The following MC2R variants were observed in gnomAD, a reference collection of about 807,000 sequenced individuals.
MC2R encodes the protein melanocortin 2 receptor.
A neutral mutation model predicts 9.8 loss-of-function variants in MC2R; 9 were observed. That is an observed-to-expected ratio of 0.92 (90% CI 0.55 to 1.60). The LOEUF is 1.60. MC2R is among the 40% of genes most tolerant of loss of function. MC2R has a pLI of 0.00. For synonymous variants in MC2R, 185 were observed against 154.7 expected (o/e 1.20, Z -1.45); for missense variants, 370 against 389.0 (o/e 0.95, Z 0.41).
chr18:13,893,137 T>A (rs2045326940), intron 1 of MC2R, among the ~76,000 whole-genome samples: 1 of 152,214 alleles, frequency 6.6e-6, no homozygotes, highest in South Asian at 2.1e-4. Context: ...ATACGATTGA[T>A]TGCTGTGAAA....
intron 1 of MC2R, among the ~76,000 whole-genome samples, chr18:13,900,148 T>C (rs1302855143): frequency 6.6e-6 from 1 of 152,140 alleles, no homozygotes; most frequent in East Asian, 1.9e-4. Flanking sequence ...TAGTTTTTGT[T>C]TTGCTTGTTT....
intron 1 of MC2R, among the ~76,000 whole-genome samples, chr18:13,909,985 A>G (rs2045435707): frequency 6.6e-6 from 1 of 152,210 alleles, no homozygotes; most frequent in Non-Finnish European, 1.5e-5. Flanking sequence ...GTTATATCTA[A>G]AAACACCAAA....
At position 13,882,371 on chromosome 18, in the gene MC2R, A is replaced by G. The variant is rs1028151658; in HGVS notation, c.*2254T>C. Reference sequence around the variant, plus strand: ...GCTTCTGTTCTGATTGGAATATAGCAGAAGACCTAGAATTGAAAATGTCTG... The same window carrying G: ...GCTTCTGTTCTGATTGGAATATAGCGGAAGACCTAGAATTGAAAATGTCTG... On this transcript the variant is annotated 3_prime_UTR_variant, in exon 2 of 2. Transcript: ENST00000327606. 6.6e-6 allele frequency: 1 copy of G among 152,244 alleles called. No individual in the cohort carries two copies. Among genetic ancestry groups the G allele is most frequent in the African/African-American group, 2.4e-5 (1 of 41,464 alleles). 9.4% of individuals were successfully genotyped at this position (152,244 alleles called of 1,614,324 possible).
At position 13,895,201 on chromosome 18, in the gene MC2R, G is replaced by A. The variant is rs974600866; in HGVS notation, c.-128-9555C>T. 2.0e-5 allele frequency among the ~76,000 whole-genome samples: 3 copies of A among 152,218 alleles called. No homozygotes were observed. The East Asian group carries it at 5.8e-4, about 29-fold the overall frequency. On this transcript the variant is annotated intron_variant, in intron 1 of 1. Transcript: ENST00000327606. ...CTTCTAAACAAATATGTTTGGGGGAGATATAAAGCATACAAGAAACAGAGT... is the reference window on the plus strand; with the variant it reads ...CTTCTAAACAAATATGTTTGGGGGAAATATAAAGCATACAAGAAACAGAGT...
At chr18:13,907,639 T>C (rs1036716299) in intron 1 of MC2R, among the ~76,000 whole-genome samples, 4 of 152,160 alleles carry the variant, frequency 2.6e-5, no homozygotes, top group Admixed American at 2.6e-4. Context: ...AAGAGATTAA[T>C]AACCAGATTA....
At chr18:13,907,955 G>A (rs1230365204) in intron 1 of MC2R, among the ~76,000 whole-genome samples, 1 of 152,158 alleles carries the variant, frequency 6.6e-6, no homozygotes, top group African/African-American at 2.4e-5. Context: ...TATAGCCACT[G>A]TGGAGAACAG....
Position 13,895,043 on chromosome 18 carries a change from G to A in MC2R, c.-128-9397C>T, listed in dbSNP as rs550919101. On this transcript the variant is annotated intron_variant, in intron 1 of 1. Coordinates refer to ENST00000327606, the MANE Select transcript of MC2R (RefSeq NM_000529.2). The stretch of plus-strand genomic sequence containing the variant: ...CAGCCGGGCAGTGCCCTGAAAGGTT[G>A]GCAAATTTGACACCCTCTTCTTTGT... 1.6e-3 allele frequency among the ~76,000 whole-genome samples: 246 copies of A among 152,310 alleles called. 1 individual carries two copies. The highest frequency in any genetic ancestry group is 2.6e-3 in the Non-Finnish European group (178 of 68,028).
intron 1 of MC2R, among the ~76,000 whole-genome samples, chr18:13,897,632 A>AGG (rs2045354237): frequency 6.6e-6 from 1 of 152,060 alleles, no homozygotes; most frequent in African/African-American, 2.4e-5. Context: ...AGGAGAGGAG[A>AGG]AGAGAAGGAA....
chr18:13,893,987 C>T (rs1226285180), intron 1 of MC2R, among the ~76,000 whole-genome samples: 2 of 152,202 alleles, frequency 1.3e-5, no homozygotes, highest in African/African-American at 2.4e-5. Context: ...CATGAGGAGG[C>T]ACTGGCTTCT....
intron 1 of MC2R, among the ~76,000 whole-genome samples, chr18:13,894,257 A>AC (rs1285179232): frequency 6.6e-6 from 1 of 151,696 alleles, no homozygotes; most frequent in African/African-American, 2.4e-5. Flanking sequence ...TTTCTTTTCT[A>AC]TTTCTTCCCA....
At position 13,885,498 on chromosome 18, in the gene MC2R, C is replaced by A. The variant is rs371151390; in HGVS notation, c.21G>T (p.Ser7=). 13 of 1,613,980 alleles carry A rather than the reference C, an allele frequency of 8.1e-6. No homozygotes were observed. The highest frequency in any genetic ancestry group is 1.1e-5 in the Non-Finnish European group (13 of 1,180,040). Residue 7 remains serine (S), a synonymous_variant, in exon 2 of 2, where the codon TCG becomes TCT. Coordinates refer to ENST00000327606, the MANE Select transcript of MC2R (RefSeq NM_000529.2). The part of the protein sequence containing the change: MKHIIN[S]YENINNTARN... Reference sequence around the variant, plus strand: ...TTGCTGTGTTGTTGATGTTTTCATACGAGTTGATAATGTGCTTCATTTCTC... The same window carrying A: ...TTGCTGTGTTGTTGATGTTTTCATAAGAGTTGATAATGTGCTTCATTTCTC...
At chr18:13,900,812 A>G (rs905160810) in intron 1 of MC2R, among the ~76,000 whole-genome samples, 3 of 152,184 alleles carry the variant, frequency 2.0e-5, no homozygotes, top group Non-Finnish European at 4.4e-5. Flanking sequence ...AGACTTCAAC[A>G]CACCACTTTC....
At chr18:13,898,566 G>A (rs929783246) in intron 1 of MC2R, among the ~76,000 whole-genome samples, 3 of 152,238 alleles carry the variant, frequency 2.0e-5, no homozygotes, top group Non-Finnish European at 2.9e-5. Flanking sequence ...CAGGCCTGGG[G>A]TGAGACTGAG....
At position 13,885,096 on chromosome 18, in the gene MC2R, G is replaced by A. The variant is rs149161443; in HGVS notation, c.423C>T (p.Ile141=). Residue 141 remains isoleucine (I), a synonymous_variant, in exon 2 of 2, where the codon ATC becomes ATT. Coordinates refer to ENST00000327606, the MANE Select transcript of MC2R (RefSeq NM_000529.2). ...TIFHALRYHS[I]VTMRRTVVVL... The stretch of plus-strand genomic sequence containing the variant: ...CCACCACAGTGCGGCGCATGGTCAC[G>A]ATGCTGTGGTACCGCAGTGCGTGGA... The A allele has an allele frequency of 1.3e-5, 21 of 1,614,048 alleles. No homozygotes were observed. In the East Asian group the frequency reaches 2.0e-4, roughly 15 times the overall value.
In MC2R at chr18:13,882,086, A is replaced by C. The variant is rs1457643715; in HGVS notation, c.*2539T>G. 1 of 152,272 alleles carries C rather than the reference A, an allele frequency of 6.6e-6. No homozygotes were observed. The highest frequency in any genetic ancestry group is 1.5e-5 in the Non-Finnish European group (1 of 68,054). The allele number at this position is 152,272 out of a possible 1,614,324, so 9.4% of individuals were successfully genotyped here. Reference sequence around the variant, plus strand: ...TTAGACAGGGCTCAGAATTACTATCAGCTTGAGTACACATCCTGAACATTT... The same window carrying C: ...TTAGACAGGGCTCAGAATTACTATCCGCTTGAGTACACATCCTGAACATTT... On this transcript the variant is annotated 3_prime_UTR_variant, in exon 2 of 2. Transcript: ENST00000327606.
chr18:13,904,035 AC>A (rs1598467147), intron 1 of MC2R, among the ~76,000 whole-genome samples: 5 of 151,406 alleles, frequency 3.3e-5, no homozygotes, highest in South Asian at 4.2e-4. Context: ...ATTTTGAGTC[AC>A]CCTGTTTCTT....
chr18:13,894,330 C>T (rs1045315167), intron 1 of MC2R, among the ~76,000 whole-genome samples: 2 of 152,136 alleles, frequency 1.3e-5, no homozygotes, highest in African/African-American at 2.4e-5. Flanking sequence ...TCCAATTTAT[C>T]CCAAACATAT....
At chr18:13,905,119 A>AT (rs887525624) in intron 1 of MC2R, among the ~76,000 whole-genome samples, 3 of 152,160 alleles carry the variant, frequency 2.0e-5, no homozygotes, top group Admixed American at 2.0e-4. Flanking sequence ...AATAGGATAA[A>AT]TTTTTTGCAA....
chr18:13,883,564 G>A lies in MC2R; in HGVS notation c.*1061C>T, dbSNP rs117631803. On this transcript the variant is annotated 3_prime_UTR_variant, in exon 2 of 2. Coordinates refer to ENST00000327606, the MANE Select transcript of MC2R (RefSeq NM_000529.2). Reference sequence around the variant, plus strand: ...TTTTGGTTTTCCCCATAGTCCAAAAGCATGGGGAAAATACACACACACACA... The same window carrying A: ...TTTTGGTTTTCCCCATAGTCCAAAAACATGGGGAAAATACACACACACACA... 1.4e-5 allele frequency: 2 copies of A among 139,704 alleles called. No homozygotes were observed. Among genetic ancestry groups the A allele is most frequent in the Admixed American group, 7.3e-5 (1 of 13,690 alleles). 8.7% of individuals were successfully genotyped at this position (139,704 alleles called of 1,614,324 possible). A position where few individuals can be genotyped will look rare whatever the true frequency, so the allele number is the denominator to read the frequency against.
Sources: gnomAD v4.1 joint callset for allele counts (sites outside exome capture counted in the v4.1 genomes callset) on GRCh38, gnomAD v4.1.1 for gene constraint, MANE v1.5 for transcripts, NCBI Gene and HGNC (gene_info 2026-07-23, HGNC 2026-07-21) for gene names.